SHISA9: variants seen among roughly 807,000 people sequenced by gnomAD.
SHISA9 encodes the protein shisa family member 9, also known as protein shisa-9.
A neutral mutation model predicts 38.0 loss-of-function variants in SHISA9; 13 were observed. The ratio of observed to expected loss-of-function variants is 0.34; its 90% confidence interval spans 0.22 to 0.54. The LOEUF (loss-of-function observed/expected upper bound fraction) is 0.54, where lower values mean the gene tolerates loss of function less well. Ranked by LOEUF, SHISA9 falls within the 20% of genes least tolerant of loss-of-function variation. The probability of loss-of-function intolerance (pLI) is 0.91; values close to 1 mark genes in which losing one functional copy is unlikely to be tolerated. For synonymous variants in SHISA9, 275 were observed against 242.0 expected, an observed-to-expected ratio of 1.14 and a Z score of -1.27; for missense variants, 538 against 575.8, an observed-to-expected ratio of 0.93 and a Z score of 0.67.
At chr16:13,487,895 T>A in the SHISA9 span, among the ~76,000 whole-genome samples, 3 of 152,194 alleles carry the variant, frequency 2.0e-5, no homozygotes, top group Admixed American at 1.3e-4. Flanking sequence ...GTTGGGCCAA[T>A]GCAATTATTT....
At chr16:13,362,383 G>A in the SHISA9 span, among the ~76,000 whole-genome samples, 7 of 151,920 alleles carry the variant, frequency 4.6e-5, no homozygotes, top group South Asian at 2.1e-4. Context: ...AGCAGTGATT[G>A]TGCCACTGCA....
rs557042290 is a variant in SHISA9 at position 12,923,939 on chromosome 16, A to G, written c.691+7124A>G. 3.3e-5 allele frequency among the ~76,000 whole-genome samples: 5 copies of G among 152,330 alleles called. No individual in the cohort carries two copies. The South Asian group carries it at 6.2e-4, about 19-fold the overall frequency. On this transcript the variant is annotated intron_variant, in intron 2 of 4. Coordinates refer to ENST00000558583, the MANE Select transcript of SHISA9 (RefSeq NM_001145204.3). Reference sequence around the variant, plus strand: ...GTCTGTCCGACTCCACAGCTTGCACATGCTTTGTCTCACAGTGAATATTTG... The same window carrying G: ...GTCTGTCCGACTCCACAGCTTGCACGTGCTTTGTCTCACAGTGAATATTTG...
intron 2 of SHISA9, among the ~76,000 whole-genome samples, chr16:12,942,409 T>G (rs2071623132): frequency 6.6e-6 from 1 of 152,180 alleles, no homozygotes; most frequent in African/African-American, 2.4e-5. Context: ...CAGACCACAT[T>G]GCCTTTCTTC....
At chr16:13,414,619 C>T in the SHISA9 span, among the ~76,000 whole-genome samples, 13 of 146,256 alleles carry the variant, frequency 8.9e-5, no homozygotes, top group South Asian at 4.5e-4. Context: ...CATGTTCGTT[C>T]GTTCTTTCTT....
At position 13,238,815 on chromosome 16, in the gene SHISA9, T is replaced by TTA. The variant is rs1555475118; in HGVS notation, c.*3407_*3408insAT. ...TTTTTTTTAATGTATCCATGGAGTA[T>TTA]TTATTATTATTATTATTATTATTAT... On this transcript the variant is annotated 3_prime_UTR_variant, in exon 5 of 5. Coordinates refer to ENST00000558583, the MANE Select transcript of SHISA9 (RefSeq NM_001145204.3). 6 of 136,148 alleles carry TTA rather than the reference T, an allele frequency of 4.4e-5. No homozygotes were observed. The highest frequency in any genetic ancestry group is 8.1e-5 in the African/African-American group (3 of 37,190). 8.4% of individuals were successfully genotyped at this position (136,148 alleles called of 1,614,324 possible). A position where few individuals can be genotyped will look rare whatever the true frequency, so the allele number is the denominator to read the frequency against.
the SHISA9 span, among the ~76,000 whole-genome samples, chr16:13,402,347 G>C: frequency 1.3e-5 from 2 of 152,104 alleles, no homozygotes; most frequent in African/African-American, 4.8e-5. Flanking sequence ...ACTGGTGTAA[G>C]TCCAAGGGTA....
In SHISA9 at chr16:12,954,925, G is replaced by A. The variant is rs114681165; in HGVS notation, c.691+38110G>A. 3.0e-3 allele frequency among the ~76,000 whole-genome samples: 463 copies of A among 152,164 alleles called. 2 individuals are homozygous for A. The highest frequency in any genetic ancestry group is 0.011 in the African/African-American group (437 of 41,518). On this transcript the variant is annotated intron_variant, in intron 2 of 4. Transcript: ENST00000558583. Reference sequence around the variant, plus strand: ...CAGCATGCATAAATGCATTTATTGGGCATCTACTATGCACTCGGTATGTGA... The same window carrying A: ...CAGCATGCATAAATGCATTTATTGGACATCTACTATGCACTCGGTATGTGA...
At chr16:13,343,384 T>C in the SHISA9 span, among the ~76,000 whole-genome samples, 1 of 152,160 alleles carries the variant, frequency 6.6e-6, no homozygotes, top group African/African-American at 2.4e-5. Flanking sequence ...TTTTTTCTTT[T>C]TCTCTCTAGT....
chr16:13,491,876 T>C, the SHISA9 span, among the ~76,000 whole-genome samples: 2 of 130,050 alleles, frequency 1.5e-5, no homozygotes, highest in Non-Finnish European at 3.2e-5. Context: ...GGGGTCTCTC[T>C]ATGTTGCCCA....
At chr16:13,367,608 A>T in the SHISA9 span, among the ~76,000 whole-genome samples, 1 of 146,164 alleles carries the variant, frequency 6.8e-6, no homozygotes, top group East Asian at 2.2e-4. Context: ...AGTAATGAAA[A>T]CTTAACTCCT....
At chr16:13,316,791 A>T in the SHISA9 span, among the ~76,000 whole-genome samples, 1 of 152,320 alleles carries the variant, frequency 6.6e-6, no homozygotes, top group East Asian at 1.9e-4. Flanking sequence ...AGCAGGCATA[A>T]ATATACACCT....
chr16:13,281,067 A>G, the SHISA9 span, among the ~76,000 whole-genome samples: 2 of 151,910 alleles, frequency 1.3e-5, no homozygotes, highest in African/African-American at 4.8e-5. Context: ...GAGTCACATT[A>G]TTTACATTTT....
chr16:13,418,741 A>G, the SHISA9 span, among the ~76,000 whole-genome samples: 1 of 152,228 alleles, frequency 6.6e-6, no homozygotes, highest in Non-Finnish European at 1.5e-5. Flanking sequence ...CAGTTACACA[A>G]TGTGGCTCTA....
the SHISA9 span, among the ~76,000 whole-genome samples, chr16:13,409,035 C>T: frequency 6.6e-6 from 1 of 152,146 alleles, no homozygotes; most frequent in Non-Finnish European, 1.5e-5. Flanking sequence ...ACCCTGAACC[C>T]CAGGCTCCGG....
intron 2 of SHISA9, chr16:13,082,353 C>G (rs1160116235): frequency 6.7e-6 from 1 of 148,580 alleles, no homozygotes. Flanking sequence ...AGTTTAAAGA[C>G]CTGAGTTCCT....
At chr16:13,366,959 G>A in the SHISA9 span, among the ~76,000 whole-genome samples, 1 of 147,238 alleles carries the variant, frequency 6.8e-6, no homozygotes, top group African/African-American at 2.5e-5. Context: ...CTCCAGCATG[G>A]GCAACAGGGT....
At chr16:13,449,749 C>T in the SHISA9 span, among the ~76,000 whole-genome samples, 1 of 152,162 alleles carries the variant, frequency 6.6e-6, no homozygotes, top group Non-Finnish European at 1.5e-5. Context: ...TGCTTCTACC[C>T]ATATGTCCCA....
Position 13,127,275 on chromosome 16 carries a change from A to T in SHISA9, c.692-76119A>T, listed in dbSNP as rs144202472. Among the ~76,000 whole-genome samples, 108 of 113,744 alleles carry T rather than the reference A, an allele frequency of 9.5e-4. 2 individuals carry two copies. The East Asian group carries it at 0.031, about 33-fold the overall frequency. The allele number at this position is 113,744 out of a possible 152,430, so 74.6% of individuals were successfully genotyped here. ...AGAGAGGGAGGTGGGAGAGGGAGGG[A>T]GGGAGAGAAAGAGATGGAGGGAGAG... On this transcript the variant is annotated intron_variant, in intron 2 of 4. Coordinates refer to ENST00000558583, the MANE Select transcript of SHISA9 (RefSeq NM_001145204.3).
chr16:13,253,577 G>A, the SHISA9 span, among the ~76,000 whole-genome samples: 5 of 152,134 alleles, frequency 3.3e-5, no homozygotes, highest in Admixed American at 6.5e-5. Flanking sequence ...GCTTGTGCAG[G>A]GGAACTCCCA....
Sources: gnomAD v4.1 joint callset for allele counts (sites outside exome capture counted in the v4.1 genomes callset) on GRCh38, gnomAD v4.1.1 for gene constraint, MANE v1.5 for transcripts, NCBI Gene and HGNC (gene_info 2026-07-23, HGNC 2026-07-21) for gene names.